Variants in AGBL1 observed in about 807,000 individuals in gnomAD.
AGBL1 encodes AGBL carboxypeptidase 1.
AGBL1 carries 130 observed loss-of-function variants against 118.9 expected under a neutral mutation model. The observed-to-expected ratio is 1.09, with a 90% CI of 0.95 to 1.26. The LOEUF is 1.26. Among genes scored for constraint, AGBL1 ranks in the 50% most tolerant of loss-of-function variants. The pLI is 0.00. For missense variants in AGBL1, 1,584 were observed against 1,298.1 expected, an observed-to-expected ratio of 1.22 and a Z score of -3.38; for synonymous variants, 555 against 478.9, an observed-to-expected ratio of 1.16 and a Z score of -2.08.
intron 18 of AGBL1, among the ~76,000 whole-genome samples, chr15:86,427,401 C>G (rs1443230058): frequency 1.3e-5 from 2 of 151,984 alleles, no homozygotes; most frequent in African/African-American, 4.8e-5. Flanking sequence ...TCTATGAGGT[C>G]AAAACTAGGA....
chr15:86,515,801 C>T (rs2083113630), intron 18 of AGBL1, among the ~76,000 whole-genome samples: 1 of 152,166 alleles, frequency 6.6e-6, no homozygotes, highest in Non-Finnish European at 1.5e-5. Context: ...GTATCTGAGA[C>T]AGATCTCAAT....
At chr15:87,023,883 T>C (rs1010761967) in intron 24 of AGBL1, among the ~76,000 whole-genome samples, 2 of 151,964 alleles carry the variant, frequency 1.3e-5, no homozygotes, top group African/African-American at 4.8e-5. Flanking sequence ...TTCTGAATGA[T>C]CATTGGGTCA....
intron 22 of AGBL1, among the ~76,000 whole-genome samples, chr15:86,803,733 T>C (rs1034739647): frequency 9.9e-5 from 15 of 152,058 alleles, no homozygotes; most frequent in African/African-American, 3.6e-4. Context: ...CTGGGAAAGA[T>C]ATAGTGCAGT....
At chr15:86,469,839 CT>C (rs937669591) in intron 18 of AGBL1, among the ~76,000 whole-genome samples, 5 of 151,926 alleles carry the variant, frequency 3.3e-5, no homozygotes, top group African/African-American at 7.3e-5. Flanking sequence ...TGAAGTTGAA[CT>C]TTTTTTTATC....
chr15:86,812,587 G>A (rs118013251), intron 22 of AGBL1, among the ~76,000 whole-genome samples: 99 of 152,272 alleles, frequency 6.5e-4, no homozygotes, highest in Admixed American at 2.1e-3. Flanking sequence ...ATGGACAGTG[G>A]TGATCCTGGT....
chr15:86,681,228 A>G (rs954686516), intron 22 of AGBL1, among the ~76,000 whole-genome samples: 2 of 151,928 alleles, frequency 1.3e-5, no homozygotes, highest in East Asian at 3.9e-4. Flanking sequence ...CACACATTCA[A>G]TTTTCTGCAG....
intron 22 of AGBL1, among the ~76,000 whole-genome samples, chr15:86,853,336 G>A (rs1019017298): frequency 9.2e-5 from 14 of 152,066 alleles, no homozygotes; most frequent in African/African-American, 3.1e-4. Flanking sequence ...TAGCAATTAA[G>A]CAAGCAGTAG....
intron 22 of AGBL1, among the ~76,000 whole-genome samples, chr15:86,841,789 G>T (rs1053356720): frequency 9.2e-5 from 14 of 152,290 alleles, no homozygotes; most frequent in African/African-American, 2.6e-4. Context: ...GGAGGTTGTG[G>T]TGAGCCAAGA....
chr15:87,015,495 C>A (rs1299054598), intron 24 of AGBL1, among the ~76,000 whole-genome samples: 2 of 148,034 alleles, frequency 1.4e-5, no homozygotes, highest in Non-Finnish European at 2.9e-5. Flanking sequence ...GAAGTCAAAC[C>A]AGTTCACCCT....
intron 17 of AGBL1, among the ~76,000 whole-genome samples, chr15:86,372,764 G>T (rs2080988385): frequency 6.6e-6 from 1 of 151,884 alleles, no homozygotes; most frequent in African/African-American, 2.4e-5. Context: ...CTAGATTCCA[G>T]ATGCTACAAA....
chr15:86,351,354 CT>C (rs2080623608), intron 17 of AGBL1, among the ~76,000 whole-genome samples: 1 of 152,134 alleles, frequency 6.6e-6, no homozygotes, highest in African/African-American at 2.4e-5. Flanking sequence ...AATGTCCCCC[CT>C]GTTAATACTG....
At chr15:86,487,073 G>A (rs2082722461) in intron 18 of AGBL1, among the ~76,000 whole-genome samples, 1 of 152,026 alleles carries the variant, frequency 6.6e-6, no homozygotes, top group South Asian at 2.1e-4. Flanking sequence ...ATATTCTCAG[G>A]TTCTAACCAT....
At chr15:86,240,427 G>A (rs1309446577) in intron 6 of AGBL1, among the ~76,000 whole-genome samples, 10 of 152,322 alleles carry the variant, frequency 6.6e-5, no homozygotes, top group Middle Eastern at 3.4e-3. Flanking sequence ...GTATACTGTA[G>A]TTAGGGACAC....
chr15:86,628,925 A>T lies in AGBL1; in HGVS notation c.2995-45348A>T, dbSNP rs1312357761. On this transcript the variant is annotated intron_variant, in intron 21 of 22. Transcript: ENST00000614907. ...ACAAGATGTTTGATATACATTGGGA[A>T]AGAGTCATCACAATCAAGCTAATTA... Among the ~76,000 whole-genome samples, 9 of 152,338 alleles carry T rather than the reference A, an allele frequency of 5.9e-5. No individual in the cohort carries two copies. In the East Asian group the frequency reaches 1.5e-3, roughly 26 times the overall value.
chr15:86,143,454 T>A (rs2076991122), intron 2 of AGBL1, among the ~76,000 whole-genome samples: 1 of 152,226 alleles, frequency 6.6e-6, no homozygotes, highest in African/African-American at 2.4e-5. Context: ...ATAAGCTCTA[T>A]TTATTACAGC....
intron 21 of AGBL1, among the ~76,000 whole-genome samples, chr15:86,573,114 T>C (rs1398814888): frequency 1.3e-5 from 2 of 152,228 alleles, no homozygotes; most frequent in Non-Finnish European, 2.9e-5. Context: ...ATATATTTAC[T>C]AGTTATCTAC....
chr15:86,221,161 A>G (rs766874382), intron 5 of AGBL1, among the ~76,000 whole-genome samples: 2 of 152,060 alleles, frequency 1.3e-5, no homozygotes, highest in South Asian at 4.1e-4. Flanking sequence ...TTGTACAACT[A>G]CACTCCAGCC....
In AGBL1 at chr15:86,867,813, T is replaced by C. The variant is rs80303899; in HGVS notation, c.3159-39274T>C. On this transcript the variant is annotated intron_variant, in intron 22 of 22. Coordinates refer to ENST00000614907, the MANE Select transcript of AGBL1 (RefSeq NM_001386094.1). Reference sequence around the variant, plus strand: ...CTTAAAGCTGAGGAAATGGATAGGATTGACTTTAAAGATCTGAGGTACTAA... The same window carrying C: ...CTTAAAGCTGAGGAAATGGATAGGACTGACTTTAAAGATCTGAGGTACTAA... 3.4e-3 allele frequency among the ~76,000 whole-genome samples: 514 copies of C among 152,318 alleles called. 2 individuals carry two copies. Among genetic ancestry groups the C allele is most frequent in the African/African-American group, 0.012 (502 of 41,572 alleles).
At chr15:86,179,131 T>C (rs996559927) in intron 5 of AGBL1, among the ~76,000 whole-genome samples, 2 of 152,218 alleles carry the variant, frequency 1.3e-5, no homozygotes, top group East Asian at 3.8e-4. Context: ...TCTGCAATCT[T>C]GATTCCTTAT....
Sources: allele counts gnomAD v4.1 joint callset (sites outside exome capture counted in the v4.1 genomes callset), GRCh38; gene constraint gnomAD v4.1.1; transcripts MANE v1.5; gene names NCBI Gene and HGNC (gene_info 2026-07-23, HGNC 2026-07-21).